Variants in MYO16 observed in about 807,000 individuals in gnomAD.
MYO16 encodes unconventional myosin-XVI.
Under a neutral mutation model 205.3 loss-of-function variants are expected in MYO16, and 94 were observed. The observed-to-expected ratio is 0.46, with a 90% CI of 0.39 to 0.54. MYO16 has a LOEUF of 0.54. MYO16 is among the 20% of genes least tolerant of loss of function. The probability of loss-of-function intolerance (pLI) is 0.00; values close to 1 mark genes in which losing one functional copy is unlikely to be tolerated. For synonymous variants in MYO16, 988 were observed against 954.0 expected (o/e 1.04, Z -0.66); for missense variants, 2,315 against 2,387.5 (o/e 0.97, Z 0.63).
At chr13:109,142,595 C>G (rs539188454) in intron 32 of MYO16, among the ~76,000 whole-genome samples, 3 of 152,280 alleles carry the variant, frequency 2.0e-5, no homozygotes, top group Admixed American at 6.5e-5. Context: ...ACCAGTCAGA[C>G]TTACTGCAGG....
At chr13:108,649,015 G>A (rs894511542) in intron 1 of MYO16, among the ~76,000 whole-genome samples, 2 of 147,510 alleles carry the variant, frequency 1.4e-5, no homozygotes, top group South Asian at 4.5e-4. Context: ...AACAGAGAGG[G>A]CATTAAAAAA....
In MYO16 at chr13:109,188,029, G is replaced by T. The variant is rs183035564; in HGVS notation, c.5415+8396G>T. Reference sequence around the variant, plus strand: ...CCTCATGCATTTGGAAGCTATATTTGAGATACAAAGACTTTTAAAATTATT... The same window carrying T: ...CCTCATGCATTTGGAAGCTATATTTTAGATACAAAGACTTTTAAAATTATT... On this transcript the variant is annotated intron_variant, in intron 34 of 34. Transcript: ENST00000457511. Among the ~76,000 whole-genome samples, 31 of 152,276 alleles carry T rather than the reference G, an allele frequency of 2.0e-4. No individual in the cohort carries two copies. The East Asian group carries it at 5.6e-3, about 27-fold the overall frequency.
At chr13:108,501,095 C>A in the MYO16 span, among the ~76,000 whole-genome samples, 1 of 152,204 alleles carries the variant, frequency 6.6e-6, no homozygotes, top group African/African-American at 2.4e-5. Context: ...TACCCCACTT[C>A]ATAGAGGTCC....
chr13:108,626,174 T>C (rs1879727541), upstream of MYO16, among the ~76,000 whole-genome samples: 1 of 152,100 alleles, frequency 6.6e-6, no homozygotes, highest in Non-Finnish European at 1.5e-5. Context: ...AAAAAAATCA[T>C]GTGTTCATAT....
At chr13:109,129,420 A>C (rs542389037) in intron 31 of MYO16, among the ~76,000 whole-genome samples, 1 of 152,218 alleles carries the variant, frequency 6.6e-6, no homozygotes, top group South Asian at 2.1e-4. Context: ...CTTAGATATA[A>C]ATTAGAACAG....
intron 15 of MYO16, among the ~76,000 whole-genome samples, chr13:108,907,854 G>T (rs1395986699): frequency 6.6e-6 from 1 of 152,150 alleles, no homozygotes. Context: ...ATAGATGGGG[G>T]TTAGCCAACC....
At chr13:108,800,925 C>T (rs1886950600) in intron 6 of MYO16, among the ~76,000 whole-genome samples, 2 of 151,902 alleles carry the variant, frequency 1.3e-5, no homozygotes, top group Admixed American at 6.6e-5. Context: ...CCAAGTTATA[C>T]ATGTGGAAAA....
chr13:109,069,006 C>T (rs76588070), intron 27 of MYO16, among the ~76,000 whole-genome samples: 19,548 of 152,208 alleles, frequency 0.13, 1,553 homozygotes, highest in Middle Eastern at 0.18. Context: ...TTCTATTTCC[C>T]ATCCCAAACC....
At chr13:108,864,630 G>C (rs528499935) in intron 11 of MYO16, among the ~76,000 whole-genome samples, 1 of 152,134 alleles carries the variant, frequency 6.6e-6, no homozygotes, top group African/African-American at 2.4e-5. Flanking sequence ...CCAGGATCAA[G>C]TGATCCTCCT....
intron 28 of MYO16, among the ~76,000 whole-genome samples, chr13:109,115,390 C>T (rs574960875): frequency 4.6e-5 from 7 of 151,750 alleles, no homozygotes; most frequent in South Asian, 4.2e-4. Flanking sequence ...ATAAAAATAG[C>T]GATGACTGTA....
rs1397741132 is a variant in MYO16, at chr13:108,629,807, C to T, written c.-38C>T. 5.9e-6 allele frequency: 9 copies of T among 1,520,170 alleles called. No individual in the cohort carries two copies. The highest frequency in any genetic ancestry group is 7.9e-6 in the Non-Finnish European group (9 of 1,134,358). 94.2% of individuals were successfully genotyped at this position (1,520,170 alleles called of 1,614,324 possible). A position where few individuals can be genotyped will look rare whatever the true frequency, so the allele number is the denominator to read the frequency against. ...ACGACAGTTGTGACAGAAGAGAATG[C>T]TGGAACCCGTAGCAAGATTCCTGTC... On this transcript the variant is annotated 5_prime_UTR_variant, in exon 1 of 35. Coordinates refer to ENST00000457511, the MANE Select transcript of MYO16 (RefSeq NM_001198950.3).
At chr13:108,897,047 TAAAA>T (rs1007120383) in intron 14 of MYO16, among the ~76,000 whole-genome samples, 1 of 151,586 alleles carries the variant, frequency 6.6e-6, no homozygotes, top group Non-Finnish European at 1.5e-5. Context: ...TCAAAGCACT[TAAAA>T]AAAAGTAGGA....
the MYO16 span, among the ~76,000 whole-genome samples, chr13:108,555,429 A>G: frequency 6.6e-6 from 1 of 152,204 alleles, no homozygotes; most frequent in African/African-American, 2.4e-5. Context: ...GAATGTATGA[A>G]CACTCTTTAA....
intron 16 of MYO16, among the ~76,000 whole-genome samples, chr13:108,920,969 G>A (rs1452946332): frequency 6.6e-6 from 1 of 152,172 alleles, no homozygotes; most frequent in Non-Finnish European, 1.5e-5. Flanking sequence ...CCAAATGTCT[G>A]CTTGGAGACC....
chr13:109,094,843 G>A (rs905495668), intron 27 of MYO16, among the ~76,000 whole-genome samples: 5 of 152,124 alleles, frequency 3.3e-5, no homozygotes, highest in South Asian at 2.1e-4. Flanking sequence ...CTTTTGTTAC[G>A]GCTGCATAGT....
intron 2 of MYO16, among the ~76,000 whole-genome samples, chr13:108,686,624 A>G (rs2139482930): frequency 6.6e-6 from 1 of 152,284 alleles, no homozygotes; most frequent in South Asian, 2.1e-4. Flanking sequence ...CGTTCCTAAA[A>G]CTAGTTGAGG....
chr13:108,720,359 T>C (rs565257533), intron 3 of MYO16, among the ~76,000 whole-genome samples: 1 of 152,348 alleles, frequency 6.6e-6, no homozygotes, highest in South Asian at 2.1e-4. Flanking sequence ...GAAATTGCAA[T>C]AAATTTAAAT....
chr13:108,642,798 A>G (rs1880567726), intron 1 of MYO16, among the ~76,000 whole-genome samples: 2 of 152,232 alleles, frequency 1.3e-5, no homozygotes, highest in South Asian at 4.1e-4. Context: ...CTTCTTTTCT[A>G]TCATTTAAAA....
chr13:108,534,581 G>A, the MYO16 span, among the ~76,000 whole-genome samples: 1 of 151,556 alleles, frequency 6.6e-6, no homozygotes, highest in Non-Finnish European at 1.5e-5. Context: ...CAGGAAGGGT[G>A]AAAGTGGGAA....
Sources: allele counts gnomAD v4.1 joint callset (sites outside exome capture counted in the v4.1 genomes callset), GRCh38; gene constraint gnomAD v4.1.1; transcripts MANE v1.5; gene names NCBI Gene and HGNC (gene_info 2026-07-23, HGNC 2026-07-21).